The following ENPP1 variants were observed in gnomAD, a reference collection of about 807,000 sequenced individuals.
ENPP1 encodes the protein ectonucleotide pyrophosphatase/phosphodiesterase family member 1.
ENPP1 carries 73 observed loss-of-function variants against 122.8 expected under a neutral mutation model. The observed-to-expected ratio is 0.59, with a 90% CI of 0.49 to 0.72. ENPP1 has a LOEUF of 0.72. ENPP1 is among the 30% of genes least tolerant of loss of function. The pLI, the probability that ENPP1 is intolerant of heterozygous loss-of-function variation, is 0.00. For missense variants in ENPP1, 978 were observed against 1,128.1 expected (o/e 0.87, Z 1.91); for synonymous variants, 367 against 391.6 (o/e 0.94, Z 0.74).
intron 6 of ENPP1, 113 bp from the exon 7 acceptor site, chr6:131,858,555 C>T: frequency 2.9e-6 from 2 of 684,804 alleles, no homozygotes; most frequent in Non-Finnish European, 5.2e-6. Context: ...GATTAAAATC[C>T]CTCCTGGGCT....
At position 131,839,282 on chromosome 6, in the gene ENPP1, A is replaced by AT. The variant is rs963524141; in HGVS notation, c.241-8484dup. On this transcript the variant is annotated intron_variant, in intron 1 of 24. Transcript: ENST00000647893. Reference sequence around the variant, plus strand: ...CTTAATAAGATGTCTTTTTATTTCTATTTTTTTTTTCTATTCCCCTCTCCC... The same window carrying AT: ...CTTAATAAGATGTCTTTTTATTTCTATTTTTTTTTTTCTATTCCCCTCTCCC... Among the ~76,000 whole-genome samples the AT allele has an allele frequency of 7.1e-4, 104 of 146,970 alleles. No individual in the cohort carries two copies. The East Asian group carries it at 0.012, about 18-fold the overall frequency.
intron 22 of ENPP1, 37 bp from the exon 23 acceptor site, chr6:131,884,894 T>C (rs768529568): frequency 1.2e-6 from 2 of 1,612,388 alleles, no homozygotes; most frequent in Non-Finnish European, 1.7e-6. Context: ...TGGTCCCTTG[T>C]TCTTTTGAAA....
intron 13 of ENPP1, among the ~76,000 whole-genome samples, chr6:131,871,080 A>C (rs1031929726): frequency 3.9e-5 from 6 of 152,154 alleles, no homozygotes; most frequent in African/African-American, 1.4e-4. Context: ...ATCTAAAAAA[A>C]AAAAGCTCTA....
intron 1 of ENPP1, among the ~76,000 whole-genome samples, chr6:131,816,134 T>C (rs1415865100): frequency 6.6e-6 from 1 of 152,208 alleles, no homozygotes; most frequent in Non-Finnish European, 1.5e-5. Flanking sequence ...TGACTACCAT[T>C]GTAAAATATT....
At chr6:131,830,618 A>G (rs1383935842) in intron 1 of ENPP1, among the ~76,000 whole-genome samples, 1 of 152,208 alleles carries the variant, frequency 6.6e-6, no homozygotes, top group African/African-American at 2.4e-5. Context: ...TCTGTTTATG[A>G]TTTACATATT....
chr6:131,848,607 A>G (rs775969531), intron 2 of ENPP1, among the ~76,000 whole-genome samples: 3 of 152,222 alleles, frequency 2.0e-5, no homozygotes, highest in Non-Finnish European at 4.4e-5. Flanking sequence ...TTCAGAACAC[A>G]TGTATCTAAG....
chr6:131,826,330 T>C, intron 1 of ENPP1: 4 of 1,362,800 alleles, frequency 2.9e-6, no homozygotes, highest in Non-Finnish European at 4.1e-6. Flanking sequence ...CAAGTGGTTA[T>C]AGCTTAGATT....
chr6:131,824,630 A>G (rs1011705399), intron 1 of ENPP1, among the ~76,000 whole-genome samples: 5 of 151,918 alleles, frequency 3.3e-5, no homozygotes, highest in African/African-American at 4.8e-5. Context: ...AACTTTTTGT[A>G]TTTTTAGTAG....
intron 18 of ENPP1, 21 bp from the exon 19 acceptor site, chr6:131,878,521 T>C (rs373467361): frequency 6.5e-7 from 1 of 1,546,890 alleles, no homozygotes; most frequent in African/African-American, 1.4e-5. Flanking sequence ...TCCTTAAAAA[T>C]AGTTTTATAA....
chr6:131,875,672 TATC>T, intron 16 of ENPP1, 101 bp from the exon 17 acceptor site: 2 of 851,896 alleles, frequency 2.3e-6, no homozygotes, highest in Non-Finnish European at 4.1e-6. Flanking sequence ...CCTCTTATCT[TATC>T]ATAACCAGTT....
intron 12 of ENPP1, 61 bp downstream of exon 12, chr6:131,868,187 G>T: frequency 7.9e-7 from 1 of 1,269,050 alleles, no homozygotes; most frequent in South Asian, 1.2e-5. Context: ...TTTACTTGAT[G>T]GTTTCCCAAT....
chr6:131,892,057 C>T lies in ENPP1; in HGVS notation c.*1546C>T, dbSNP rs1782478594. On this transcript the variant is annotated 3_prime_UTR_variant, in exon 25 of 25. Coordinates refer to ENST00000647893, the MANE Select transcript of ENPP1 (RefSeq NM_006208.3). ...TTCATTTGTTTCAAGTGCATTTATA[C>T]TTGCTTGTTGAAGAATTTTTATGAT... 6.6e-6 allele frequency: 1 copy of T among 152,050 alleles called. No individual in the cohort carries two copies. The allele number at this position is 152,050 out of a possible 1,614,324, so 9.4% of individuals were successfully genotyped here.
rs763893046 is a variant in ENPP1 at position 131,847,809 on chromosome 6, G to T, written c.274G>T (p.Gly92Cys). 3.1e-6 allele frequency: 5 copies of T among 1,611,406 alleles called. No homozygotes were observed. The highest frequency in any genetic ancestry group is 2.7e-5 in the African/African-American group (2 of 74,654). The change falls in exon 2 of 25, where the codon GGT becomes TGT. Residue 92 changes from glycine to cysteine, a missense_variant. This residue lies in a region of ENPP1 where 330 missense variants were observed against 328.5 expected (regional missense o/e 1.00). Transcript: ENST00000647893. ...LSVCVLTTILGCIFGLKPSCA... is the reference protein window; with the variant it reads ...LSVCVLTTILCCIFGLKPSCA... ...AGTATGTGTGTTAACAACAATACTT[G>T]GTTGTATATTTGGGTTGAAACCAAG...
At chr6:131,813,581 T>C (rs1781380728) in intron 1 of ENPP1, among the ~76,000 whole-genome samples, 1 of 152,034 alleles carries the variant, frequency 6.6e-6, no homozygotes, top group African/African-American at 2.4e-5. Context: ...GTAGCAAAAT[T>C]GATGGGTGTG....
chr6:131,823,501 G>A (rs530456580), intron 1 of ENPP1, among the ~76,000 whole-genome samples: 1 of 152,204 alleles, frequency 6.6e-6, no homozygotes, highest in South Asian at 2.1e-4. Flanking sequence ...CCACACCTCT[G>A]AAGCACGCCT....
intron 1 of ENPP1, among the ~76,000 whole-genome samples, chr6:131,830,421 A>G (rs1022734003): frequency 5.9e-5 from 9 of 152,154 alleles, no homozygotes; most frequent in Non-Finnish European, 1.3e-4. Flanking sequence ...CCTATAGGTG[A>G]CCACTCCCAG....
chr6:131,808,056 G>T lies in ENPP1; in HGVS notation c.21G>T (p.Ala7=), dbSNP rs886061063. Residue 7 remains alanine, a synonymous_variant, in exon 1 of 25, where the codon GCG becomes GCT. Coordinates refer to ENST00000647893, the MANE Select transcript of ENPP1 (RefSeq NM_006208.3). MERDGC[A]GGGSRGGEGG... ...CCACGATGGAGCGCGACGGCTGCGCGGGGGGCGGGAGCCGCGGCGGCGAGG... is the reference window on the plus strand; with the variant it reads ...CCACGATGGAGCGCGACGGCTGCGCTGGGGGCGGGAGCCGCGGCGGCGAGG... The T allele has an allele frequency of 3.0e-6, 3 of 989,054 alleles. No homozygotes were observed. The highest frequency in any genetic ancestry group is 1.8e-5 in the African/African-American group (1 of 56,644). 61.3% of individuals were successfully genotyped at this position (989,054 alleles called of 1,614,324 possible).
intron 3 of ENPP1, 27 bp downstream of exon 3, chr6:131,850,133 A>G (rs1210981111): frequency 7.2e-7 from 1 of 1,390,516 alleles, no homozygotes; most frequent in Non-Finnish European, 1.0e-6. Context: ...AAAAAAGTGG[A>G]GTTATGGTCA....
intron 1 of ENPP1, among the ~76,000 whole-genome samples, chr6:131,815,871 A>ATTTTTTTTTTTTTT (rs750091125): frequency 8.6e-6 from 1 of 115,842 alleles, no homozygotes; most frequent in Non-Finnish European, 1.7e-5. Context: ...CACCTGGCTA[A>ATTTTTTTTTTTTTT]TTTTTTTTTT....
Sources: allele counts gnomAD v4.1 joint callset (sites outside exome capture counted in the v4.1 genomes callset), GRCh38; gene constraint gnomAD v4.1.1; regional missense constraint gnomAD v4.1.1; transcripts MANE v1.5; gene names NCBI Gene and HGNC (gene_info 2026-07-23, HGNC 2026-07-21).